Variants in TMEM243 observed in about 807,000 individuals in gnomAD.
TMEM243 encodes MDR1 and mitochondrial taxol resistance associated.
A neutral mutation model predicts 15.0 loss-of-function variants in TMEM243; 20 were observed. That is an observed-to-expected ratio of 1.33 (90% CI 0.94 to 1.93). TMEM243 has a LOEUF of 1.93. TMEM243 is among the 30% of genes most tolerant of loss of function. The pLI, the probability that TMEM243 is intolerant of heterozygous loss-of-function variation, is 0.00. For missense variants in TMEM243, 156 were observed against 142.1 expected (o/e 1.10, Z -0.50); for synonymous variants, 72 against 52.7 (o/e 1.37, Z -1.59).
intron 1 of TMEM243, among the ~76,000 whole-genome samples, chr7:87,209,379 G>A (rs1802446200): frequency 6.6e-6 from 1 of 151,890 alleles, no homozygotes; most frequent in African/African-American, 2.4e-5. Context: ...AAGAGAGAGA[G>A]GTGGGAGAGA....
At chr7:87,215,769 T>C (rs970802640) in intron 1 of TMEM243, among the ~76,000 whole-genome samples, 1 of 152,210 alleles carries the variant, frequency 6.6e-6, no homozygotes. Flanking sequence ...CAACCTAACA[T>C]GAAAATTCCA....
At chr7:87,204,780 T>C (rs976959815) in intron 1 of TMEM243, among the ~76,000 whole-genome samples, 2 of 152,218 alleles carry the variant, frequency 1.3e-5, no homozygotes, top group Non-Finnish European at 2.9e-5. Flanking sequence ...CAAGTTTCGG[T>C]GAATCTACCA....
chr7:87,206,869 G>T (rs1802263347), intron 1 of TMEM243, among the ~76,000 whole-genome samples: 1 of 152,178 alleles, frequency 6.6e-6, no homozygotes, highest in Non-Finnish European at 1.5e-5. Flanking sequence ...ATGGCCAACG[G>T]TATTTTCTTT....
chr7:87,202,849 G>A (rs939445758), intron 1 of TMEM243: 1 of 152,196 alleles, frequency 6.6e-6, no homozygotes, highest in Non-Finnish European at 1.5e-5. Context: ...TGGGCTAAAT[G>A]ATACCTGGTC....
chr7:87,208,699 C>T (rs376909007), intron 1 of TMEM243, among the ~76,000 whole-genome samples: 7 of 152,334 alleles, frequency 4.6e-5, no homozygotes, highest in Non-Finnish European at 7.3e-5. Flanking sequence ...TTTGGGCCAC[C>T]GTATATGGCT....
At position 87,196,393 on chromosome 7, in the gene TMEM243, T is replaced by A. The variant is rs1801232394; in HGVS notation, c.*243A>T. ...TAAAAATTTCATTTCAAAAGTGAAA[T>A]TTTTTTGTGCTGTTTTAGCTTTAAG... On this transcript the variant is annotated 3_prime_UTR_variant, in exon 4 of 4. Transcript: ENST00000257637. The A allele has an allele frequency of 2.9e-6, 1 of 346,712 alleles. No individual in the cohort carries two copies. The highest frequency in any genetic ancestry group is 5.2e-6 in the Non-Finnish European group (1 of 193,338). The allele number at this position is 346,712 out of a possible 1,614,324, so 21.5% of individuals were successfully genotyped here.
At chr7:87,208,622 T>G (rs1253452508) in intron 1 of TMEM243, among the ~76,000 whole-genome samples, 1 of 152,256 alleles carries the variant, frequency 6.6e-6, no homozygotes, top group East Asian at 1.9e-4. Flanking sequence ...TTTACTCCTC[T>G]GTCTCTTCCT....
Position 87,197,940 on chromosome 7 carries a change from C to T in TMEM243, c.234+1G>A, listed in dbSNP as rs759771007. 2 of 1,612,980 alleles carry T rather than the reference C, an allele frequency of 1.2e-6. No individual in the cohort carries two copies. Among genetic ancestry groups the T allele is most frequent in the Non-Finnish European group, 1.7e-6 (2 of 1,179,338 alleles). On this transcript the variant is annotated splice_donor_variant, in intron 3 of 3. Coordinates refer to ENST00000257637, the MANE Select transcript of TMEM243 (RefSeq NM_024315.4). LOFTEE classifies it high-confidence loss of function. ...CTGTTTAAATTCTCAACAGTACTTA[C>T]AAGTATGCAGGCAGTAATACTACTC...
rs1196899062 is a variant in TMEM243, at chr7:87,219,651, GT to G, written c.-149del. The G allele has an allele frequency of 1.5e-6, 1 of 677,932 alleles. No homozygotes were observed. Among genetic ancestry groups the G allele is most frequent in the African/African-American group, 1.8e-5 (1 of 55,292 alleles). The allele number at this position is 677,932 out of a possible 1,614,324, so 42.0% of individuals were successfully genotyped here. On this transcript the variant is annotated 5_prime_UTR_variant, in exon 1 of 4. Coordinates refer to ENST00000257637, the MANE Select transcript of TMEM243 (RefSeq NM_024315.4). ...GGGGAAGCGCTGGCGCCAGGGATGG[GT>G]GGGGGCTCACACGCGGGGAACGCGA...
intron 1 of TMEM243, among the ~76,000 whole-genome samples, chr7:87,203,202 T>C (rs957669329): frequency 6.6e-6 from 1 of 152,176 alleles, no homozygotes; most frequent in Admixed American, 6.5e-5. Context: ...AAAATGAATT[T>C]CAAGGGCATG....
chr7:87,196,834 T>C, intron 3 of TMEM243, 76 bp from the exon 4 acceptor site: 2 of 1,030,338 alleles, frequency 1.9e-6, no homozygotes, highest in Non-Finnish European at 1.4e-6. Context: ...ATTTCATTAG[T>C]ATTTGTTTAT....
intron 2 of TMEM243, 44 bp downstream of exon 2, chr7:87,198,963 A>G: frequency 6.6e-7 from 1 of 1,505,430 alleles, no homozygotes; most frequent in Non-Finnish European, 8.9e-7. Flanking sequence ...AAGTTTTCAA[A>G]ACTGGCTAAG....
chr7:87,206,705 A>C (rs1247373869), intron 1 of TMEM243, among the ~76,000 whole-genome samples: 1 of 152,224 alleles, frequency 6.6e-6, no homozygotes, highest in East Asian at 1.9e-4. Context: ...TTTCCATTTA[A>C]TATTTTTGGA....
At position 87,196,619 on chromosome 7, in the gene TMEM243, A is replaced by G; in HGVS notation, c.*17T>C. The G allele has an allele frequency of 6.2e-7, 1 of 1,607,276 alleles. No homozygotes were observed. Among genetic ancestry groups the G allele is most frequent in the Non-Finnish European group, 8.5e-7 (1 of 1,177,048 alleles). ...ATCATTTTGAAGAGTCCTGGTAAGT[A>G]CTTCTCCTTGGCAGCCTCACCTTCC... On this transcript the variant is annotated 3_prime_UTR_variant, in exon 4 of 4. Transcript: ENST00000257637.
At chr7:87,209,427 AGAGT>A (rs1475395787) in intron 1 of TMEM243, among the ~76,000 whole-genome samples, 1 of 151,564 alleles carries the variant, frequency 6.6e-6, no homozygotes, top group Admixed American at 6.6e-5. Context: ...AGAGTGAAAG[AGAGT>A]GAGACAGAGA....
intron 1 of TMEM243, among the ~76,000 whole-genome samples, chr7:87,205,372 C>T (rs2129227344): frequency 6.6e-6 from 1 of 151,364 alleles, no homozygotes; most frequent in East Asian, 1.9e-4. Flanking sequence ...CATTGTCAGG[C>T]TGCAAGTTTT....
chr7:87,212,125 G>C (rs915983238), intron 1 of TMEM243, among the ~76,000 whole-genome samples: 1 of 152,178 alleles, frequency 6.6e-6, no homozygotes, highest in Non-Finnish European at 1.5e-5. Context: ...GATTAGAAGA[G>C]AATACATAGA....
chr7:87,199,943 AGTC>A (rs770751582), intron 1 of TMEM243, among the ~76,000 whole-genome samples: 20 of 152,218 alleles, frequency 1.3e-4, no homozygotes, highest in African/African-American at 4.6e-4. Flanking sequence ...TTAACGAATC[AGTC>A]GTCTTAAATG....
chr7:87,209,667 AGAGC>A (rs1312511645), intron 1 of TMEM243, among the ~76,000 whole-genome samples: 19 of 2,008 alleles, frequency 9.5e-3, no homozygotes, highest in Non-Finnish European at 6.8e-3. Context: ...AGAGCGAGAG[AGAGC>A]GAGAGCGAGA....
Sources: gnomAD v4.1 joint callset for allele counts (sites outside exome capture counted in the v4.1 genomes callset) on GRCh38, gnomAD v4.1.1 for gene constraint, MANE v1.5 for transcripts, NCBI Gene and HGNC (gene_info 2026-07-23, HGNC 2026-07-21) for gene names.